Variants in ZC3H3 observed in about 807,000 individuals in gnomAD.
The protein encoded by ZC3H3 is zinc finger CCCH domain-containing protein 3.
In ZC3H3, 36 loss-of-function variants were observed where a neutral mutation model predicts 77.3. The observed-to-expected ratio is 0.47, with a 90% confidence interval of 0.36 to 0.61. The LOEUF is 0.61. ZC3H3 is among the 20% of genes least tolerant of loss of function. The pLI, the probability that ZC3H3 is intolerant of heterozygous loss-of-function variation, is 0.00. For synonymous variants in ZC3H3, 626 were observed against 555.2 expected (o/e 1.13, Z -1.79); for missense variants, 1,331 against 1,312.2 (o/e 1.01, Z -0.22).
chr8:143,522,375 G>A (rs537534854), intron 3 of ZC3H3, among the ~76,000 whole-genome samples: 252 of 150,412 alleles, frequency 1.7e-3, no homozygotes, highest in Middle Eastern at 7.6e-3. Flanking sequence ...GGCCAAGGCC[G>A]GAGGATTACC....
In ZC3H3 at chr8:143,475,514, C is replaced by A; in HGVS notation, c.1787G>T (p.Trp596Leu). ...GATGCAGCGGTAGCCTTTGCTCCGC[C>A]ACCAAGGGGAGCCCGGTTGGGCTTT... ...GGKAQPGSPW[W>L]RSKGYRCIGG... The change falls in exon 5 of 12, where the codon TGG (tryptophan) becomes TTG (leucine). Residue 596 changes from tryptophan to leucine, a missense_variant. By Grantham distance (61) the Trp-to-Leu change is moderately conservative (BLOSUM62 -2). Transcript: ENST00000262577. 1 of 1,612,342 alleles carries A rather than the reference C, an allele frequency of 6.2e-7. No individual in the cohort carries two copies.
rs7842859 is a variant in ZC3H3, at chr8:143,483,993, G to A, written c.1716-8408C>T. On this transcript the variant is annotated intron_variant, in intron 4 of 11. Coordinates refer to ENST00000262577, the MANE Select transcript of ZC3H3 (RefSeq NM_015117.3). ...TCCAGGATACACCTTCAGCAGGCAGGCAGGGTTACAGGCCTGGGTGGGAGC... is the reference window on the plus strand; with the variant it reads ...TCCAGGATACACCTTCAGCAGGCAGACAGGGTTACAGGCCTGGGTGGGAGC... 7.9e-3 allele frequency among the ~76,000 whole-genome samples: 1,198 copies of A among 152,380 alleles called. 13 individuals carry two copies. Among genetic ancestry groups the A allele is most frequent in the African/African-American group, 0.027 (1,136 of 41,582 alleles).
chr8:143,445,936 C>G (rs966178595), intron 9 of ZC3H3, among the ~76,000 whole-genome samples: 1 of 152,106 alleles, frequency 6.6e-6, no homozygotes. Context: ...TAAAAAAGAA[C>G]AAGGTGAAAG....
At chr8:143,518,491 C>T (rs1324418431) in intron 3 of ZC3H3, among the ~76,000 whole-genome samples, 1 of 152,250 alleles carries the variant, frequency 6.6e-6, no homozygotes, top group Non-Finnish European at 1.5e-5. Flanking sequence ...CTGAGAGAAA[C>T]GACGTGTCCC....
Position 143,475,731 on chromosome 8 carries a change from C to T in ZC3H3, c.1716-146G>A. 6.3e-6 allele frequency: 6 copies of T among 956,460 alleles called. No individual in the cohort carries two copies. In the South Asian group the frequency reaches 1.1e-4, roughly 18 times the overall value. 59.2% of individuals were successfully genotyped at this position (956,460 alleles called of 1,614,324 possible). A position where few individuals can be genotyped will look rare whatever the true frequency, so the allele number is the denominator to read the frequency against. ...GTGGGTACACACTCCAGCTGGGTGA[C>T]CACGGGCCATTGGCCCAGCTGCCAA... On this transcript the variant is annotated intron_variant, in intron 4 of 11. Transcript: ENST00000262577.
At chr8:143,541,117 G>A (rs535695009) in intron 1 of ZC3H3, among the ~76,000 whole-genome samples, 4 of 152,310 alleles carry the variant, frequency 2.6e-5, no homozygotes, top group African/African-American at 9.6e-5. Flanking sequence ...CGCCCCCCGC[G>A]GGTTACTAAG....
At chr8:143,475,691 G>C in intron 4 of ZC3H3, 106 bp from the exon 5 acceptor site, 1 of 1,326,952 alleles carries the variant, frequency 7.5e-7, no homozygotes, top group East Asian at 2.5e-5. Flanking sequence ...AGGGGGACAG[G>C]GAGCAGCACT....
intron 3 of ZC3H3, among the ~76,000 whole-genome samples, chr8:143,521,316 G>C (rs2060968): frequency 0.16 from 24,200 of 152,088 alleles, 2,238 homozygotes; most frequent in Middle Eastern, 0.26. Flanking sequence ...GTGGAGCCTC[G>C]AAAGTCTGAA....
At chr8:143,519,808 G>A (rs1223932084) in intron 3 of ZC3H3, among the ~76,000 whole-genome samples, 3 of 152,144 alleles carry the variant, frequency 2.0e-5, no homozygotes, top group African/African-American at 4.8e-5. Flanking sequence ...GACTCATCAC[G>A]GGCCCAAAGG....
At chr8:143,469,648 G>A (rs918881344) in intron 5 of ZC3H3, among the ~76,000 whole-genome samples, 8 of 152,146 alleles carry the variant, frequency 5.3e-5, no homozygotes, top group Admixed American at 1.3e-4. Flanking sequence ...GGACATGGCC[G>A]AGTGCTGCCA....
intron 4 of ZC3H3, among the ~76,000 whole-genome samples, chr8:143,478,972 C>A (rs931144015): frequency 1.3e-5 from 2 of 152,320 alleles, no homozygotes; most frequent in South Asian, 4.1e-4. Context: ...CCGGGATCTG[C>A]GCCCGCTCTT....
intron 4 of ZC3H3, among the ~76,000 whole-genome samples, chr8:143,497,016 G>A (rs187816976): frequency 1.8e-4 from 27 of 152,326 alleles, no homozygotes; most frequent in African/African-American, 6.0e-4. Context: ...CCAGGGCTCC[G>A]CTTCTGTGCA....
chr8:143,491,984 G>A (rs1307936633), intron 4 of ZC3H3, among the ~76,000 whole-genome samples: 1 of 152,228 alleles, frequency 6.6e-6, no homozygotes, highest in Non-Finnish European at 1.5e-5. Context: ...TGGTGCACCA[G>A]GCGCAGCACC....
rs1362228479 is a variant in ZC3H3, at chr8:143,475,669, C to G, written c.1716-84G>C. On this transcript the variant is annotated intron_variant, in intron 4 of 11. Transcript: ENST00000262577. ...GTCAGTGCCAGGGGCCGAGCCCAGG[C>G]CTGGCCTCCCAAGGGGGACAGGGAG... The G allele has an allele frequency of 5.6e-6, 8 of 1,438,738 alleles. No homozygotes were observed. The Admixed American group carries it at 1.7e-4, about 31-fold the overall frequency. 89.1% of individuals were successfully genotyped at this position (1,438,738 alleles called of 1,614,324 possible). A position where few individuals can be genotyped will look rare whatever the true frequency, so the allele number is the denominator to read the frequency against.
At chr8:143,497,133 C>T (rs1821374524) in intron 4 of ZC3H3, among the ~76,000 whole-genome samples, 5 of 152,212 alleles carry the variant, frequency 3.3e-5, no homozygotes, top group Admixed American at 3.3e-4. Flanking sequence ...ATTTTTGCAA[C>T]TTCTGTAAAA....
At chr8:143,535,852 G>A (rs751096967) in intron 3 of ZC3H3, among the ~76,000 whole-genome samples, 10 of 152,274 alleles carry the variant, frequency 6.6e-5, no homozygotes, top group Non-Finnish European at 1.0e-4. Flanking sequence ...GGCAGGGCAG[G>A]TAGACCTGCA....
intron 9 of ZC3H3, among the ~76,000 whole-genome samples, chr8:143,461,823 GA>G (rs1396026874): frequency 6.6e-6 from 1 of 151,966 alleles, no homozygotes; most frequent in Non-Finnish European, 1.5e-5. Context: ...GACTGATGAT[GA>G]AAAGAGTGAG....
At chr8:143,513,159 G>A (rs1007382271) in intron 3 of ZC3H3, among the ~76,000 whole-genome samples, 12 of 152,098 alleles carry the variant, frequency 7.9e-5, no homozygotes, top group African/African-American at 2.4e-4. Flanking sequence ...TCACACCCAC[G>A]GCCTCAGCTG....
chr8:143,501,982 T>C (rs1408049720), intron 4 of ZC3H3, among the ~76,000 whole-genome samples: 1 of 152,202 alleles, frequency 6.6e-6, no homozygotes, highest in Admixed American at 6.5e-5. Context: ...TGAGGTGAAA[T>C]GGTCCTGAGG....
Sources: gnomAD v4.1 joint callset for allele counts (sites outside exome capture counted in the v4.1 genomes callset) on GRCh38, gnomAD v4.1.1 for gene constraint, MANE v1.5 for transcripts, NCBI Gene and HGNC (gene_info 2026-07-23, HGNC 2026-07-21) for gene names.